ITGB5: variants seen among roughly 807,000 people sequenced by gnomAD.
ITGB5 encodes integrin subunit beta 5.
A neutral mutation model predicts 84.8 loss-of-function variants in ITGB5; 38 were observed. The observed-to-expected ratio is 0.45, with a 90% CI of 0.35 to 0.59. The LOEUF is 0.59. Among genes scored for constraint, ITGB5 ranks in the 20% least tolerant of loss-of-function variants. The pLI, the probability that ITGB5 is intolerant of heterozygous loss-of-function variation, is 0.01. For missense variants in ITGB5, 905 were observed against 1,034.5 expected (o/e 0.87, Z 1.72); for synonymous variants, 393 against 414.4 (o/e 0.95, Z 0.63).
At chr3:124,769,818 C>T (rs2063816803) in intron 11 of ITGB5, 3 of 152,202 alleles carry the variant, frequency 2.0e-5, no homozygotes, top group Admixed American at 2.0e-4. Flanking sequence ...GGCACAGGCT[C>T]TAGGGTGATG....
intron 10 of ITGB5, among the ~76,000 whole-genome samples, chr3:124,795,426 T>C (rs937631956): frequency 6.6e-6 from 1 of 151,414 alleles, no homozygotes; most frequent in African/African-American, 2.4e-5. Flanking sequence ...GAGGCAGAGG[T>C]TGCAGTGAGT....
chr3:124,864,682 T>TA (rs1396049956), intron 2 of ITGB5, among the ~76,000 whole-genome samples: 8 of 152,048 alleles, frequency 5.3e-5, no homozygotes, highest in African/African-American at 1.4e-4. Context: ...CGCTCACTAC[T>TA]TAGAGTGCAA....
intron 1 of ITGB5, among the ~76,000 whole-genome samples, chr3:124,875,132 CATAAAG>C (rs1934247651): frequency 1.3e-5 from 2 of 152,110 alleles, no homozygotes; most frequent in Non-Finnish European, 2.9e-5. Context: ...CATCCAAATA[CATAAAG>C]AATTCAAACA....
At chr3:124,828,523 AGAG>A (rs1334996378) in intron 5 of ITGB5, among the ~76,000 whole-genome samples, 1 of 152,228 alleles carries the variant, frequency 6.6e-6, no homozygotes, top group African/African-American at 2.4e-5. Flanking sequence ...AGGAGGGAGA[AGAG>A]GAAGAAATGA....
chr3:124,775,318 G>A (rs1473731592), intron 10 of ITGB5, among the ~76,000 whole-genome samples: 3 of 152,144 alleles, frequency 2.0e-5, no homozygotes, highest in Non-Finnish European at 4.4e-5. Context: ...GTACAAGTGT[G>A]AGTGTATGTG....
intron 12 of ITGB5, among the ~76,000 whole-genome samples, chr3:124,767,031 A>G (rs1379414304): frequency 6.6e-6 from 1 of 152,190 alleles, no homozygotes; most frequent in African/African-American, 2.4e-5. Flanking sequence ...CCATTCCCCA[A>G]GGTGGGGGTG....
chr3:124,897,080 A>G (rs1184966089), intron 1 of ITGB5, among the ~76,000 whole-genome samples: 1 of 152,174 alleles, frequency 6.6e-6, no homozygotes, highest in Non-Finnish European at 1.5e-5. Flanking sequence ...ATACATTCTT[A>G]TCTTTGCAGA....
At chr3:124,814,522 G>A (rs1258814278) in intron 8 of ITGB5, among the ~76,000 whole-genome samples, 2 of 149,800 alleles carry the variant, frequency 1.3e-5, no homozygotes, top group African/African-American at 4.9e-5. Context: ...TGTCACCCAG[G>A]CTAGAGCACA....
intron 2 of ITGB5, chr3:124,862,867 C>T (rs999812938): frequency 1.3e-5 from 2 of 152,202 alleles, no homozygotes; most frequent in Non-Finnish European, 2.9e-5. Flanking sequence ...CCTGCACTGT[C>T]ACCTGGTTGC....
At chr3:124,790,737 C>T (rs867330636) in intron 10 of ITGB5, among the ~76,000 whole-genome samples, 48 of 151,622 alleles carry the variant, frequency 3.2e-4, no homozygotes, top group African/African-American at 8.7e-4. Context: ...TGGGAGAGAA[C>T]GGAGGATGCC....
At chr3:124,834,413 A>C (rs1198560328) in intron 5 of ITGB5, among the ~76,000 whole-genome samples, 1 of 150,652 alleles carries the variant, frequency 6.6e-6, no homozygotes, top group Non-Finnish European at 1.5e-5. Flanking sequence ...TACTGAAAGA[A>C]AGAAAGAAAG....
intron 11 of ITGB5, among the ~76,000 whole-genome samples, chr3:124,771,240 TA>T (rs2063839049): frequency 3.3e-5 from 5 of 152,094 alleles, no homozygotes; most frequent in Admixed American, 3.3e-4. Context: ...AAAGTGTGGT[TA>T]GTTAGATCCA....
At chr3:124,789,292 G>C (rs1341684662) in intron 10 of ITGB5, among the ~76,000 whole-genome samples, 1 of 152,274 alleles carries the variant, frequency 6.6e-6, no homozygotes, top group African/African-American at 2.4e-5. Flanking sequence ...TGTTTGACAA[G>C]AGTCAAGAAG....
At chr3:124,862,292 CT>C (rs2065315435) in intron 2 of ITGB5, 1 of 152,392 alleles carries the variant, frequency 6.6e-6, no homozygotes, top group Non-Finnish European at 1.5e-5. Flanking sequence ...ATGAGAACCC[CT>C]GACACCTCTC....
chr3:124,822,445 T>A (rs188843033), intron 5 of ITGB5, among the ~76,000 whole-genome samples: 2 of 152,350 alleles, frequency 1.3e-5, no homozygotes, highest in East Asian at 3.9e-4. Flanking sequence ...TAAAAGCTAT[T>A]GCTCTCTTAC....
intron 9 of ITGB5, among the ~76,000 whole-genome samples, chr3:124,799,628 C>T (rs953138798): frequency 2.0e-5 from 3 of 152,206 alleles, no homozygotes; most frequent in African/African-American, 7.2e-5. Context: ...ATGTACCAGG[C>T]ACTGTGCTGG....
chr3:124,788,497 G>C (rs998305263), intron 10 of ITGB5, among the ~76,000 whole-genome samples: 20 of 152,200 alleles, frequency 1.3e-4, no homozygotes, highest in African/African-American at 4.8e-4. Flanking sequence ...GCCTGCAGAA[G>C]TATTACTACC....
At chr3:124,767,406 AAG>A (rs1021909186) in intron 12 of ITGB5, among the ~76,000 whole-genome samples, 75 of 152,202 alleles carry the variant, frequency 4.9e-4, no homozygotes, top group African/African-American at 1.6e-3. Context: ...GCTTGGAAGA[AAG>A]AAGAAAAAGG....
chr3:124,847,642 CCT>C (rs922186087), intron 4 of ITGB5, among the ~76,000 whole-genome samples: 1 of 152,072 alleles, frequency 6.6e-6, no homozygotes, highest in African/African-American at 2.4e-5. Flanking sequence ...CACCTGAGTC[CCT>C]GAGTCACTGC....
Sources: allele counts gnomAD v4.1 joint callset (sites outside exome capture counted in the v4.1 genomes callset), GRCh38; gene constraint gnomAD v4.1.1; transcripts MANE v1.5; gene names NCBI Gene and HGNC (gene_info 2026-07-23, HGNC 2026-07-21).